The following MACROD2 variants were observed in gnomAD, a reference collection of about 807,000 sequenced individuals.
The protein encoded by MACROD2 is ADP-ribose glycohydrolase MACROD2.
Under a neutral mutation model 70.4 loss-of-function variants are expected in MACROD2, and 36 were observed. The ratio of observed to expected loss-of-function variants is 0.51; its 90% CI spans 0.39 to 0.68. MACROD2 has a LOEUF of 0.68. Among genes scored for constraint, MACROD2 ranks in the 30% least tolerant of loss-of-function variants. The pLI is 0.00. For synonymous variants in MACROD2, 172 were observed against 178.8 expected (o/e 0.96, Z 0.30); for missense variants, 496 against 538.4 (o/e 0.92, Z 0.78).
intron 3 of MACROD2, among the ~76,000 whole-genome samples, chr20:14,188,934 C>T (rs189969010): frequency 9.9e-5 from 15 of 152,136 alleles, no homozygotes; most frequent in Non-Finnish European, 1.2e-4. Context: ...TAAATTTTAT[C>T]CAATTAAAGT....
intron 2 of MACROD2, among the ~76,000 whole-genome samples, chr20:14,082,640 A>C (rs2054014875): frequency 6.6e-6 from 1 of 152,148 alleles, no homozygotes; most frequent in Non-Finnish European, 1.5e-5. Context: ...TTAGAGCTAA[A>C]AGCAGTTAAA....
intron 5 of MACROD2, among the ~76,000 whole-genome samples, chr20:14,968,951 A>C: frequency 6.6e-6 from 1 of 152,290 alleles, no homozygotes. Flanking sequence ...AGGATTGACT[A>C]TGTATTACTT....
intron 5 of MACROD2, among the ~76,000 whole-genome samples, chr20:14,743,918 G>T (rs897331760): frequency 6.6e-6 from 1 of 152,198 alleles, no homozygotes; most frequent in African/African-American, 2.4e-5. Flanking sequence ...TAAGCTGATG[G>T]GACCAGAGAC....
At chr20:14,608,336 G>A (rs908166676) in intron 4 of MACROD2, among the ~76,000 whole-genome samples, 1 of 152,140 alleles carries the variant, frequency 6.6e-6, no homozygotes, top group African/African-American at 2.4e-5. Flanking sequence ...ACTACTGTGA[G>A]TAATCTGCAC....
At chr20:14,878,560 C>G (rs2073575962) in intron 5 of MACROD2, among the ~76,000 whole-genome samples, 1 of 151,990 alleles carries the variant, frequency 6.6e-6, no homozygotes, top group African/African-American at 2.4e-5. Context: ...GGATAGGGGA[C>G]CATAGAGCAT....
chr20:15,387,510 C>A (rs76328239), intron 6 of MACROD2, among the ~76,000 whole-genome samples: 1 of 151,374 alleles, frequency 6.6e-6, no homozygotes, highest in Non-Finnish European at 1.5e-5. Flanking sequence ...CCTTTTCCCC[C>A]CTTCCCCCTC....
intron 6 of MACROD2, among the ~76,000 whole-genome samples, chr20:15,369,845 C>G (rs937564769): frequency 3.9e-5 from 6 of 151,990 alleles, no homozygotes; most frequent in Non-Finnish European, 5.9e-5. Flanking sequence ...GATGTCATTT[C>G]TACAGGAATG....
intron 10 of MACROD2, among the ~76,000 whole-genome samples, chr20:15,925,458 A>G (rs569320653): frequency 5.9e-5 from 9 of 152,314 alleles, no homozygotes; most frequent in Admixed American, 5.9e-4. Context: ...TTAACATGCC[A>G]TATGGGAGAA....
intron 5 of MACROD2, among the ~76,000 whole-genome samples, chr20:14,898,248 A>G (rs1049643514): frequency 1.3e-5 from 2 of 152,144 alleles, no homozygotes; most frequent in African/African-American, 2.4e-5. Context: ...TAATTAAACA[A>G]ATTTCTAGAT....
At chr20:15,387,815 G>T (rs910605577) in intron 6 of MACROD2, among the ~76,000 whole-genome samples, 3 of 149,298 alleles carry the variant, frequency 2.0e-5, no homozygotes, top group Admixed American at 6.8e-5. Context: ...ATAGCTCACC[G>T]CAGCCTTGAA....
intron 8 of MACROD2, among the ~76,000 whole-genome samples, chr20:15,674,741 ATG>A (rs973566100): frequency 7.5e-6 from 1 of 134,114 alleles, no homozygotes; most frequent in Non-Finnish European, 1.6e-5. Flanking sequence ...GTGTGTGTCT[ATG>A]TGTGTGTGTG....
At chr20:15,369,219 A>G (rs1014911958) in intron 6 of MACROD2, among the ~76,000 whole-genome samples, 1 of 152,218 alleles carries the variant, frequency 6.6e-6, no homozygotes, top group African/African-American at 2.4e-5. Context: ...GCAAATAGCT[A>G]TGTTATAAAA....
intron 8 of MACROD2, among the ~76,000 whole-genome samples, chr20:15,538,286 T>C (rs1302497994): frequency 6.6e-6 from 1 of 152,082 alleles, no homozygotes; most frequent in Non-Finnish European, 1.5e-5. Flanking sequence ...AGGACTCTAT[T>C]TGGAAAATGA....
At chr20:14,938,279 A>G (rs2074358861) in intron 5 of MACROD2, among the ~76,000 whole-genome samples, 1 of 152,106 alleles carries the variant, frequency 6.6e-6, no homozygotes, top group Non-Finnish European at 1.5e-5. Flanking sequence ...ATTACTTTCC[A>G]GAGTGGCTGT....
intron 4 of MACROD2, among the ~76,000 whole-genome samples, chr20:14,551,894 G>A (rs992327506): frequency 1.3e-5 from 2 of 152,090 alleles, no homozygotes; most frequent in African/African-American, 2.4e-5. Flanking sequence ...ATGACTGTAT[G>A]TGCATGAATA....
At chr20:14,112,646 TA>T (rs2054466618) in intron 3 of MACROD2, among the ~76,000 whole-genome samples, 1 of 152,020 alleles carries the variant, frequency 6.6e-6, no homozygotes. Flanking sequence ...TTGTGACTTT[TA>T]AGCAGCTGCT....
chr20:15,662,158 C>T (rs1270872968), intron 8 of MACROD2, among the ~76,000 whole-genome samples: 1 of 152,170 alleles, frequency 6.6e-6, no homozygotes, highest in Non-Finnish European at 1.5e-5. Context: ...GCCCAGTTCC[C>T]ACTGCACTGA....
In MACROD2 at chr20:15,812,934, A is replaced by G. The variant is rs963710570; in HGVS notation, c.646-49811A>G. ...TGTGAATACAATAGAGAAATGACATATTAATCATAGTGATGTTTGATATGC... is the reference window on the plus strand; with the variant it reads ...TGTGAATACAATAGAGAAATGACATGTTAATCATAGTGATGTTTGATATGC... On this transcript the variant is annotated intron_variant, in intron 8 of 17. Transcript: ENST00000684519. Among the ~76,000 whole-genome samples the G allele has an allele frequency of 5.3e-5, 8 of 152,340 alleles. No individual in the cohort carries two copies. In the East Asian group the frequency reaches 1.5e-3, roughly 29 times the overall value.
intron 3 of MACROD2, among the ~76,000 whole-genome samples, chr20:14,413,373 A>AT (rs1394628351): frequency 1.3e-5 from 2 of 151,736 alleles, no homozygotes; most frequent in South Asian, 4.1e-4. Context: ...TTTAGAACAT[A>AT]TTTTTTTCTT....
Sources: gnomAD v4.1 joint callset for allele counts (sites outside exome capture counted in the v4.1 genomes callset) on GRCh38, gnomAD v4.1.1 for gene constraint, MANE v1.5 for transcripts, NCBI Gene and HGNC (gene_info 2026-07-23, HGNC 2026-07-21) for gene names.